Variants in ADGRL3 observed in about 807,000 individuals in gnomAD.
ADGRL3 encodes adhesion G protein-coupled receptor L3.
A neutral mutation model predicts 153.5 loss-of-function variants in ADGRL3; 62 were observed. That is an observed-to-expected ratio of 0.40 (90% CI 0.33 to 0.50). The LOEUF (loss-of-function observed/expected upper bound fraction) is 0.50. ADGRL3 is among the 20% of genes least tolerant of loss of function. The pLI, the probability that ADGRL3 is intolerant of heterozygous loss-of-function variation, is 0.47. For missense variants in ADGRL3, 1,641 were observed against 1,859.4 expected, an observed-to-expected ratio of 0.88 and a Z score of 2.16; for synonymous variants, 710 against 672.5, an observed-to-expected ratio of 1.06 and a Z score of -0.86.
intron 24 of ADGRL3, among the ~76,000 whole-genome samples, chr4:62,041,958 T>G (rs1011318905): frequency 1.2e-4 from 18 of 152,126 alleles, no homozygotes; most frequent in African/African-American, 4.3e-4. Flanking sequence ...TCAGACATGT[T>G]CATTAACCAC....
At chr4:61,703,762 A>G (rs2095808251) in intron 6 of ADGRL3, among the ~76,000 whole-genome samples, 1 of 152,192 alleles carries the variant, frequency 6.6e-6, no homozygotes, top group Non-Finnish European at 1.5e-5. Flanking sequence ...GTGTCATCAC[A>G]GAATCTATGT....
chr4:61,756,237 C>A (rs1265994726), intron 8 of ADGRL3, among the ~76,000 whole-genome samples: 1 of 152,174 alleles, frequency 6.6e-6, no homozygotes, highest in African/African-American at 2.4e-5. Context: ...AATATTGATT[C>A]TTCCTACCCA....
chr4:61,367,579 A>C (rs987966485), intron 1 of ADGRL3, among the ~76,000 whole-genome samples: 2 of 150,410 alleles, frequency 1.3e-5, no homozygotes, highest in Admixed American at 6.7e-5. Context: ...ATCATTTTTT[A>C]TGGCTGCATA....
chr4:61,296,392 C>T (rs541235189), intron 1 of ADGRL3, among the ~76,000 whole-genome samples: 1 of 152,236 alleles, frequency 6.6e-6, no homozygotes, highest in African/African-American at 2.4e-5. Flanking sequence ...ATTTATTGCC[C>T]TTTCATGGTA....
chr4:61,326,225 G>A (rs2150869807), intron 1 of ADGRL3, among the ~76,000 whole-genome samples: 1 of 152,094 alleles, frequency 6.6e-6, no homozygotes, highest in Middle Eastern at 3.4e-3. Flanking sequence ...CTATTTACTA[G>A]GTGCTGGGTA....
At chr4:61,968,496 A>G (rs183075492) in intron 17 of ADGRL3, among the ~76,000 whole-genome samples, 10 of 152,308 alleles carry the variant, frequency 6.6e-5, no homozygotes, top group African/African-American at 2.4e-4. Context: ...CTTTTGCTCC[A>G]TGCTTTGAAA....
At chr4:61,500,504 T>C (rs1348181858) in intron 3 of ADGRL3, among the ~76,000 whole-genome samples, 1 of 152,190 alleles carries the variant, frequency 6.6e-6, no homozygotes, top group Non-Finnish European at 1.5e-5. Flanking sequence ...CTTAAGAGAA[T>C]ACTGCATAAC....
intron 5 of ADGRL3, among the ~76,000 whole-genome samples, chr4:61,625,893 G>T (rs1459244148): frequency 1.3e-5 from 2 of 152,038 alleles, no homozygotes; most frequent in African/African-American, 4.8e-5. Context: ...GCATTCATTA[G>T]CAGTGTTCTC....
intron 2 of ADGRL3, among the ~76,000 whole-genome samples, chr4:61,387,828 A>G (rs1286143295): frequency 6.6e-6 from 1 of 152,148 alleles, no homozygotes; most frequent in South Asian, 2.1e-4. Flanking sequence ...GGATTAAGAG[A>G]TTAAAGTAAA....
At chr4:61,222,009 A>G (rs1346238791) in intron 1 of ADGRL3, among the ~76,000 whole-genome samples, 2 of 152,142 alleles carry the variant, frequency 1.3e-5, no homozygotes, top group African/African-American at 2.4e-5. Context: ...CATCATAACC[A>G]TAATTGCAGG....
rs534129385 is a variant in ADGRL3 at position 61,306,354 on chromosome 4, T to C, written c.-239-76770T>C. Among the ~76,000 whole-genome samples, 8 of 152,154 alleles carry C rather than the reference T, an allele frequency of 5.3e-5. No homozygotes were observed. The South Asian group carries it at 1.7e-3, about 32-fold the overall frequency. On this transcript the variant is annotated intron_variant, in intron 1 of 26. Coordinates refer to ENST00000683033, the MANE Select transcript of ADGRL3 (RefSeq NM_001387552.1). Reference sequence around the variant, plus strand: ...ACCTTGTGATCCACCCACCTTGGCCTCCCAAAGTGCAGGGATTACAGGCGT... The same window carrying C: ...ACCTTGTGATCCACCCACCTTGGCCCCCCAAAGTGCAGGGATTACAGGCGT...
At chr4:61,426,406 C>T (rs2097281167) in intron 2 of ADGRL3, among the ~76,000 whole-genome samples, 1 of 151,690 alleles carries the variant, frequency 6.6e-6, no homozygotes, top group Admixed American at 6.6e-5. Context: ...AGCAGTCGCA[C>T]CCTGGCTGGA....
chr4:61,651,824 G>T (rs1329944809), intron 5 of ADGRL3, among the ~76,000 whole-genome samples: 3 of 149,174 alleles, frequency 2.0e-5, no homozygotes, highest in Non-Finnish European at 4.4e-5. Flanking sequence ...CACCATATTG[G>T]CCAGGATGAC....
At chr4:61,748,662 G>C (rs1386602074) in intron 8 of ADGRL3, among the ~76,000 whole-genome samples, 2 of 152,132 alleles carry the variant, frequency 1.3e-5, no homozygotes, top group Admixed American at 6.5e-5. Context: ...GCCATATGTA[G>C]AAAGCTGAAA....
intron 21 of ADGRL3, among the ~76,000 whole-genome samples, chr4:62,009,370 T>C (rs2099173595): frequency 6.6e-6 from 1 of 152,090 alleles, no homozygotes; most frequent in Admixed American, 6.6e-5. Flanking sequence ...TACCTTATAA[T>C]TTTTTATTTA....
chr4:62,057,701 A>G lies in ADGRL3; in HGVS notation c.3815-10465A>G, dbSNP rs1458543174. On this transcript the variant is annotated intron_variant, in intron 25 of 26. Transcript: ENST00000683033. ...TTATTATTTATTCATTTATTGAGAC[A>G]GGGTCTTGCTCTGTCGCCCAGGCTG... Among the ~76,000 whole-genome samples, 3 of 152,130 alleles carry G rather than the reference A, an allele frequency of 2.0e-5. No individual in the cohort carries two copies. The East Asian group carries it at 5.8e-4, about 29-fold the overall frequency.
intron 5 of ADGRL3, among the ~76,000 whole-genome samples, chr4:61,647,037 T>C (rs1012282910): frequency 9.9e-5 from 15 of 152,152 alleles, no homozygotes; most frequent in African/African-American, 3.6e-4. Context: ...TCACTCGATT[T>C]TCCAGGTGCC....
intron 9 of ADGRL3, among the ~76,000 whole-genome samples, chr4:61,816,077 G>A (rs1430657494): frequency 6.6e-6 from 1 of 152,070 alleles, no homozygotes; most frequent in Non-Finnish European, 1.5e-5. Flanking sequence ...ATTCATAGTA[G>A]AAGATTCCTA....
At chr4:61,500,839 AGGTACACAGT>A (rs1269387352) in intron 3 of ADGRL3, among the ~76,000 whole-genome samples, 1 of 152,184 alleles carries the variant, frequency 6.6e-6, no homozygotes, top group Non-Finnish European at 1.5e-5. Context: ...AAAGACATTG[AGGTACACAGT>A]GGTAAAGTAA....
Sources: gnomAD v4.1 joint callset for allele counts (sites outside exome capture counted in the v4.1 genomes callset) on GRCh38, gnomAD v4.1.1 for gene constraint, MANE v1.5 for transcripts, NCBI Gene and HGNC (gene_info 2026-07-23, HGNC 2026-07-21) for gene names.